The following FYCO1 variants were observed in gnomAD, a reference collection of about 807,000 sequenced individuals.
FYCO1 encodes FYVE and coiled-coil domain-containing protein 1.
FYCO1 carries 122 observed loss-of-function variants against 165.1 expected under a neutral mutation model. The observed-to-expected ratio is 0.74, with a 90% confidence interval of 0.64 to 0.86. The LOEUF (loss-of-function observed/expected upper bound fraction) is 0.86, where lower values mean the gene tolerates loss of function less well. FYCO1 is among the 40% of genes least tolerant of loss of function. The pLI, the probability that FYCO1 is intolerant of heterozygous loss-of-function variation, is 0.00. For synonymous variants in FYCO1, 648 were observed against 742.5 expected (o/e 0.87, Z 2.07); for missense variants, 1,702 against 1,810.3 (o/e 0.94, Z 1.09).
chr3:45,959,895 G>A (rs1386287929), intron 11 of FYCO1, among the ~76,000 whole-genome samples: 2 of 152,208 alleles, frequency 1.3e-5, no homozygotes, highest in Admixed American at 6.5e-5. Flanking sequence ...TGCCGACGGC[G>A]TGCAGTAAGC....
chr3:45,961,859 A>G (rs895817299), intron 11 of FYCO1, among the ~76,000 whole-genome samples: 1 of 152,242 alleles, frequency 6.6e-6, no homozygotes, highest in Non-Finnish European at 1.5e-5. Flanking sequence ...ATGACTTGTC[A>G]GCATTAAAAA....
intron 14 of FYCO1, chr3:45,946,905 GC>G (rs765513847): frequency 6.2e-7 from 1 of 1,614,254 alleles, no homozygotes; most frequent in African/African-American, 1.3e-5. Context: ...CAACCAGCAA[GC>G]CAAGAGGATG....
intron 6 of FYCO1, among the ~76,000 whole-genome samples, chr3:45,970,914 A>G (rs1706408112): frequency 6.6e-6 from 1 of 151,960 alleles, no homozygotes; most frequent in African/African-American, 2.4e-5. Flanking sequence ...AAATATTTAC[A>G]AATACACAAT....
At chr3:45,968,792 T>C in intron 7 of FYCO1, 89 bp from the exon 8 acceptor site, 3 of 1,467,882 alleles carry the variant, frequency 2.0e-6, no homozygotes, top group South Asian at 1.2e-5. Context: ...AGAGCAGAGG[T>C]AAAAATACAG....
intron 4 of FYCO1, among the ~76,000 whole-genome samples, chr3:45,979,018 G>C (rs1049115643): frequency 6.6e-6 from 1 of 151,858 alleles, no homozygotes; most frequent in East Asian, 1.9e-4. Context: ...CACCACGCCT[G>C]GCTAATTTTT....
chr3:45,979,559 G>A lies in FYCO1; in HGVS notation c.288+146C>T, dbSNP rs1287264772. The A allele has an allele frequency of 6.5e-6, 6 of 917,390 alleles. No individual in the cohort carries two copies. In the East Asian group the frequency reaches 1.6e-4, roughly 24 times the overall value. 56.8% of individuals were successfully genotyped at this position (917,390 alleles called of 1,614,324 possible). On this transcript the variant is annotated intron_variant, in intron 4 of 17. Transcript: ENST00000296137. ...CCAACCTTGAGCCACTGCAACAATG[G>A]GCATTGCGTATACCTGGACTAGATT...
At chr3:45,958,749 G>T in intron 12 of FYCO1, 130 bp from the exon 13 acceptor site, 2 of 828,614 alleles carry the variant, frequency 2.4e-6, no homozygotes, top group Non-Finnish European at 4.1e-6. Flanking sequence ...AAGTTAGGAT[G>T]TGGCCATGAG....
chr3:45,954,106 C>T (rs928649055), intron 14 of FYCO1, among the ~76,000 whole-genome samples: 6 of 152,216 alleles, frequency 3.9e-5, no homozygotes, highest in Non-Finnish European at 5.9e-5. Context: ...GAACACCTTC[C>T]TCTGAAGCAA....
Position 45,968,545 on chromosome 3 carries a change from C to T in FYCO1, c.789G>A (p.Leu263=). 1 of 1,614,046 alleles carries T rather than the reference C, an allele frequency of 6.2e-7. No homozygotes were observed. The highest frequency in any genetic ancestry group is 1.1e-5 in the South Asian group (1 of 91,080). The change falls in exon 8 of 18, where the codon CTG becomes CTA. Residue 263 remains leucine (L), a synonymous_variant. Transcript: ENST00000296137. ...CCCCTTGCTGGCTGACAGCTGCCCT[C>T]AGCTCCTGGTTCTCTCTGTCCAGCT... ...MQQLDRENQE[L]RAAVSQQGEQ...
intron 14 of FYCO1, among the ~76,000 whole-genome samples, chr3:45,937,150 C>T (rs1213231368): frequency 6.6e-6 from 1 of 152,178 alleles, no homozygotes; most frequent in Non-Finnish European, 1.5e-5. Context: ...GGTTCCAGGT[C>T]CAGCTCAGCC....
intron 16 of FYCO1, among the ~76,000 whole-genome samples, chr3:45,925,482 G>A (rs899316621): frequency 2.0e-5 from 3 of 152,142 alleles, no homozygotes; most frequent in Non-Finnish European, 4.4e-5. Flanking sequence ...ATTAAATTCA[G>A]TTTTAATTTT....
chr3:45,958,801 G>T, intron 12 of FYCO1, 182 bp from the exon 13 acceptor site: 2 of 696,644 alleles, frequency 2.9e-6, no homozygotes, highest in Admixed American at 4.1e-5. Context: ...TGTCAGCTTG[G>T]TGAAAGCATG....
intron 1 of FYCO1, among the ~76,000 whole-genome samples, chr3:45,989,873 G>A (rs1012509646): frequency 1.3e-5 from 2 of 152,214 alleles, no homozygotes; most frequent in Non-Finnish European, 2.9e-5. Context: ...TAGTGAGGTG[G>A]GCAGTTGCTC....
chr3:45,950,009 T>C (rs571900406), intron 14 of FYCO1, among the ~76,000 whole-genome samples: 2 of 152,192 alleles, frequency 1.3e-5, no homozygotes, highest in South Asian at 4.1e-4. Flanking sequence ...TCTCACTCCA[T>C]CCACATCACA....
At chr3:45,941,439 T>C (rs1704218503) in intron 14 of FYCO1, 1 of 152,200 alleles carries the variant, frequency 6.6e-6, no homozygotes, top group African/African-American at 2.4e-5. Flanking sequence ...TATGATTGGG[T>C]TCCCACCCTT....
At chr3:45,939,031 C>A (rs1704055449) in intron 14 of FYCO1, among the ~76,000 whole-genome samples, 3 of 152,228 alleles carry the variant, frequency 2.0e-5, no homozygotes, top group Admixed American at 2.0e-4. Flanking sequence ...ACCAGATACT[C>A]ACTGCCCACG....
intron 1 of FYCO1, among the ~76,000 whole-genome samples, chr3:45,991,854 G>C (rs912189204): frequency 3.9e-5 from 6 of 152,172 alleles, no homozygotes; most frequent in African/African-American, 1.4e-4. Flanking sequence ...TGAAGACAGG[G>C]CCTTTAAAGA....
chr3:45,947,396 C>CA, intron 14 of FYCO1: 1 of 1,614,248 alleles, frequency 6.2e-7, no homozygotes, highest in East Asian at 2.2e-5. Context: ...TTGTGAAGGA[C>CA]ATTGGTTGCC....
At chr3:45,978,070 T>C (rs1028164392) in intron 4 of FYCO1, among the ~76,000 whole-genome samples, 4 of 152,198 alleles carry the variant, frequency 2.6e-5, no homozygotes, top group African/African-American at 9.7e-5. Flanking sequence ...AAAGTCAATT[T>C]TCATGGCTTC....
Sources: gnomAD v4.1 joint callset for allele counts (sites outside exome capture counted in the v4.1 genomes callset) on GRCh38, gnomAD v4.1.1 for gene constraint, MANE v1.5 for transcripts, NCBI Gene and HGNC (gene_info 2026-07-23, HGNC 2026-07-21) for gene names.